ATRNL1: variants seen among roughly 807,000 people sequenced by gnomAD.
ATRNL1 encodes attractin like 1, also known as attractin-like protein 1.
Under a neutral mutation model 182.7 loss-of-function variants are expected in ATRNL1, and 95 were observed. The ratio of observed to expected loss-of-function variants is 0.52; its 90% CI spans 0.44 to 0.62. The LOEUF is 0.62. ATRNL1 is among the 20% of genes least tolerant of loss of function. The pLI, the probability that ATRNL1 is intolerant of heterozygous loss-of-function variation, is 0.00. For synonymous variants in ATRNL1, 576 were observed against 568.3 expected, an observed-to-expected ratio of 1.01 and a Z score of -0.19; for missense variants, 1,471 against 1,679.5, an observed-to-expected ratio of 0.88 and a Z score of 2.17.
chr10:115,703,565 G>C (rs1762478428), intron 26 of ATRNL1, among the ~76,000 whole-genome samples: 1 of 151,800 alleles, frequency 6.6e-6, no homozygotes, highest in South Asian at 2.1e-4. Flanking sequence ...GGATGATCTA[G>C]TAACATTCTG....
rs1014737092 is a variant in ATRNL1, at chr10:115,228,109, T to C, written c.1532+12229T>C. ...GAGTTCAATTTGACTTCTTATATGC[T>C]AAAAGATTATGATAATTTGACATAC... On this transcript the variant is annotated intron_variant, in intron 9 of 28. Transcript: ENST00000355044. Among the ~76,000 whole-genome samples, 5 of 152,290 alleles carry C rather than the reference T, an allele frequency of 3.3e-5. No homozygotes were observed. The South Asian group carries it at 1.0e-3, about 32-fold the overall frequency.
At chr10:115,357,105 A>G (rs1323111594) in intron 19 of ATRNL1, among the ~76,000 whole-genome samples, 1 of 151,916 alleles carries the variant, frequency 6.6e-6, no homozygotes, top group Non-Finnish European at 1.5e-5. Flanking sequence ...TTTTTTAAAA[A>G]GTGATATAAG....
chr10:115,792,774 C>A (rs1334316207), intron 27 of ATRNL1, among the ~76,000 whole-genome samples: 1 of 151,924 alleles, frequency 6.6e-6, no homozygotes, highest in African/African-American at 2.4e-5. Context: ...AGGTTTTTAA[C>A]TGATAGCTAA....
intron 26 of ATRNL1, among the ~76,000 whole-genome samples, chr10:115,715,103 G>A (rs1028819311): frequency 6.6e-6 from 1 of 152,178 alleles, no homozygotes; most frequent in Non-Finnish European, 1.5e-5. Context: ...GGCTGACTAA[G>A]TAAGAAATAC....
intron 10 of ATRNL1, among the ~76,000 whole-genome samples, chr10:115,253,755 A>G (rs1229259453): frequency 6.6e-6 from 1 of 152,128 alleles, no homozygotes; most frequent in Non-Finnish European, 1.5e-5. Flanking sequence ...CATCATTTAC[A>G]TTAGGTATTT....
intron 26 of ATRNL1, among the ~76,000 whole-genome samples, chr10:115,592,697 G>A (rs1855984326): frequency 6.6e-6 from 1 of 152,076 alleles, no homozygotes; most frequent in African/African-American, 2.4e-5. Context: ...ACATTTTATT[G>A]CCAAATAATA....
intron 19 of ATRNL1, among the ~76,000 whole-genome samples, chr10:115,359,442 G>A (rs2134150912): frequency 6.6e-6 from 1 of 151,512 alleles, no homozygotes; most frequent in East Asian, 1.9e-4. Flanking sequence ...TACTTTACAG[G>A]AAGAGGCAAA....
chr10:115,345,717 T>C (rs1855945881), intron 19 of ATRNL1, among the ~76,000 whole-genome samples: 1 of 152,162 alleles, frequency 6.6e-6, no homozygotes, highest in South Asian at 2.1e-4. Flanking sequence ...TTCTTAAACA[T>C]TTTTTATCAT....
chr10:115,282,152 TTTA>T (rs1852394628), intron 14 of ATRNL1, among the ~76,000 whole-genome samples: 2 of 146,522 alleles, frequency 1.4e-5, no homozygotes, highest in Admixed American at 6.9e-5. Context: ...AATTTATATA[TTTA>T]TTATATTACA....
In ATRNL1 at chr10:115,822,632, A is replaced by G. The variant is rs113058634; in HGVS notation, c.3904-25245A>G. Among the ~76,000 whole-genome samples the G allele has an allele frequency of 6.2e-3, 940 of 152,324 alleles. 8 individuals are homozygous for G. The highest frequency in any genetic ancestry group is 0.021 in the African/African-American group (885 of 41,570). ...TGATCGCACAGAAATACAAACTACC[A>G]TCAGAGAATACTATAAACACCTCTA... On this transcript the variant is annotated intron_variant, in intron 27 of 28. Transcript: ENST00000355044.
chr10:115,217,026 A>T (rs1261318325), intron 9 of ATRNL1, among the ~76,000 whole-genome samples: 1 of 152,128 alleles, frequency 6.6e-6, no homozygotes, highest in Non-Finnish European at 1.5e-5. Flanking sequence ...AGCAAGTGGA[A>T]TTGTGGTATA....
chr10:115,754,855 T>C (rs919466026), intron 27 of ATRNL1, among the ~76,000 whole-genome samples: 1 of 152,222 alleles, frequency 6.6e-6, no homozygotes, highest in African/African-American at 2.4e-5. Flanking sequence ...TGAGCAGTGG[T>C]TTGTCATTCT....
chr10:115,922,034 C>T (rs1265405974), intron 28 of ATRNL1, among the ~76,000 whole-genome samples: 1 of 152,176 alleles, frequency 6.6e-6, no homozygotes, highest in Non-Finnish European at 1.5e-5. Context: ...GCCATTGAGA[C>T]TGCTGCCAGC....
chr10:115,562,831 G>T (rs1286655401), intron 26 of ATRNL1, among the ~76,000 whole-genome samples: 6 of 152,134 alleles, frequency 3.9e-5, no homozygotes, highest in African/African-American at 1.4e-4. Context: ...AGTATGTCTT[G>T]CACAAATTGG....
chr10:115,888,844 G>T (rs1268336817), intron 28 of ATRNL1, among the ~76,000 whole-genome samples: 1 of 152,186 alleles, frequency 6.6e-6, no homozygotes, highest in Non-Finnish European at 1.5e-5. Flanking sequence ...AAAGCATGGA[G>T]AGGCCTCCCA....
chr10:115,408,081 G>C (rs976977152), intron 20 of ATRNL1, among the ~76,000 whole-genome samples: 1 of 140,202 alleles, frequency 7.1e-6, no homozygotes, highest in Non-Finnish European at 1.5e-5. Context: ...TCGGCTCACT[G>C]CAAGCTCCGC....
intron 7 of ATRNL1, among the ~76,000 whole-genome samples, chr10:115,166,332 C>G (rs1202407662): frequency 1.3e-5 from 2 of 152,022 alleles, no homozygotes; most frequent in Non-Finnish European, 2.9e-5. Context: ...TAGCTTCCAT[C>G]TTTTGGCCAT....
intron 27 of ATRNL1, among the ~76,000 whole-genome samples, chr10:115,775,413 A>ATTT (rs1949098645): frequency 6.6e-6 from 1 of 152,136 alleles, no homozygotes; most frequent in South Asian, 2.1e-4. Flanking sequence ...TTCAAGAAAC[A>ATTT]TTTTTTCTTC....
intron 9 of ATRNL1, among the ~76,000 whole-genome samples, chr10:115,222,645 T>C (rs554574688): frequency 1.1e-4 from 17 of 152,264 alleles, no homozygotes; most frequent in African/African-American, 4.1e-4. Flanking sequence ...AGAATACATG[T>C]TTTCAAATAG....
Sources: allele counts gnomAD v4.1 joint callset (sites outside exome capture counted in the v4.1 genomes callset), GRCh38; gene constraint gnomAD v4.1.1; transcripts MANE v1.5; gene names NCBI Gene and HGNC (gene_info 2026-07-23, HGNC 2026-07-21).